The following RPS6KA4 variants were observed in gnomAD, a reference collection of about 807,000 sequenced individuals.
RPS6KA4 encodes the protein ribosomal protein S6 kinase alpha-4.
RPS6KA4 carries 38 observed loss-of-function variants against 89.6 expected under a neutral mutation model. The ratio of observed to expected loss-of-function variants is 0.42; its 90% CI spans 0.33 to 0.56. The LOEUF is 0.56. Ranked by LOEUF, RPS6KA4 falls within the 20% of genes least tolerant of loss-of-function variation. The pLI is 0.07. For synonymous variants in RPS6KA4, 495 were observed against 492.8 expected, an observed-to-expected ratio of 1.00 and a Z score of -0.06; for missense variants, 873 against 1,098.8, an observed-to-expected ratio of 0.79 and a Z score of 2.90.
intron 9 of RPS6KA4, among the ~76,000 whole-genome samples, chr11:64,365,937 G>A (rs1215984514): frequency 6.6e-6 from 1 of 152,052 alleles, no homozygotes; most frequent in Non-Finnish European, 1.5e-5. Context: ...TACTCGGGAG[G>A]CTGAGGTGAG....
chr11:64,359,498 A>G, intron 2 of RPS6KA4, 49 bp downstream of exon 2: 1 of 1,587,720 alleles, frequency 6.3e-7, no homozygotes, highest in Non-Finnish European at 8.6e-7. Flanking sequence ...GGTGCCCCTG[A>G]CCTCCTGCCT....
Position 64,369,485 on chromosome 11 carries a change from G to T in RPS6KA4, c.1468G>T (p.Glu490Ter). ...YLVLELLRGGELLEHIRKKRH... is the reference protein window; with the variant it reads ...YLVLELLRGG ...GGTCCTGGAGCTGCTGCGGGGCGGG[G>T]AGCTGCTGGAGCACATCCGCAAGAA... is the stretch of plus-strand genomic sequence containing the variant. Residue 490 changes from glutamate (E) to a stop codon, truncating the protein, a stop_gained, in exon 13 of 17, where the codon GAG (glutamate) becomes TAG (stop). Coordinates refer to ENST00000334205, the MANE Select transcript of RPS6KA4 (RefSeq NM_003942.3). LOFTEE classifies it high-confidence loss of function. 6.2e-7 allele frequency: 1 copy of T among 1,609,780 alleles called. No homozygotes were observed. The highest frequency in any genetic ancestry group is 1.1e-5 in the South Asian group (1 of 90,772).
chr11:64,369,780 C>T lies in RPS6KA4; in HGVS notation c.1684C>T (p.Pro562Ser), dbSNP rs1398636953. The change falls in exon 14 of 17, where the codon CCC (proline) becomes TCC (serine). Residue 562 changes from proline (P) to serine (S), a missense_variant. Physicochemically the swap from Pro to Ser is moderately conservative, Grantham distance 74. This residue lies in a region of RPS6KA4 where 542 missense variants were observed against 736.4 expected (regional missense o/e 0.74). Transcript: ENST00000334205. ...FGFARLRPQS[P>S]GVPMQTPCFT... ...GTTCGCGCGGTTGCGGCCGCAGAGT[C>T]CCGGGGTGCCCATGCAGACGCCCTG... The T allele has an allele frequency of 1.2e-6, 2 of 1,610,832 alleles. No homozygotes were observed. The highest frequency in any genetic ancestry group is 1.6e-4 in the Middle Eastern group (1 of 6,074).
chr11:64,359,201 G>A lies in RPS6KA4; in HGVS notation c.-35G>A, dbSNP rs1358367878. The stretch of plus-strand genomic sequence containing the variant: ...CGCCATGTAACCGGCGCCGCCCGGA[G>A]CCCGAGCCGCGCGGGCCCCAGCGAC... On this transcript the variant is annotated 5_prime_UTR_variant, in exon 1 of 17. Coordinates refer to ENST00000334205, the MANE Select transcript of RPS6KA4 (RefSeq NM_003942.3). 1 of 1,286,084 alleles carries A rather than the reference G, an allele frequency of 7.8e-7. No individual in the cohort carries two copies. Among genetic ancestry groups the A allele is most frequent in the Non-Finnish European group, 9.9e-7 (1 of 1,009,094 alleles). The allele number at this position is 1,286,084 out of a possible 1,614,324, so 79.7% of individuals were successfully genotyped here. A position where few individuals can be genotyped will look rare whatever the true frequency, so the allele number is the denominator to read the frequency against.
chr11:64,370,132 C>T lies in RPS6KA4; in HGVS notation c.1798-93C>T, dbSNP rs770670510. 26 of 1,413,192 alleles carry T rather than the reference C, an allele frequency of 1.8e-5. No individual in the cohort carries two copies. Among genetic ancestry groups the T allele is most frequent in the Non-Finnish European group, 2.5e-5 (26 of 1,056,636 alleles). The allele number at this position is 1,413,192 out of a possible 1,614,324, so 87.5% of individuals were successfully genotyped here. A position where few individuals can be genotyped will look rare whatever the true frequency, so the allele number is the denominator to read the frequency against. On this transcript the variant is annotated intron_variant, in intron 14 of 16. Coordinates refer to ENST00000334205, the MANE Select transcript of RPS6KA4 (RefSeq NM_003942.3). The surrounding 1 kb of genome is among the most constrained non-coding windows in gnomAD (Gnocchi z 4.1). ...ACCACGCGTGGGTCTCAGGAGTGCC[C>T]CTAGTGGGGAGGGTGAGTGGTTCTG...
Position 64,368,154 on chromosome 11 carries a change from C to T in RPS6KA4, c.1094C>T (p.Ser365Phe), listed in dbSNP as rs1187689165. The part of the protein sequence containing the change: ...IFQGYSFVAP[S>F]ILFDHNNAVM... ...CAGGGATACTCCTTTGTGGCACCCT[C>T]CATTCTCTTTGACCACAACAACGCG... Residue 365 changes from serine (S) to phenylalanine (F), a missense_variant, in exon 10 of 17, where the codon TCC becomes TTC. Ser to Phe is a radical substitution (Grantham distance 155). Around this residue, in one of 4 missense-constraint regions of RPS6KA4, gnomAD observed 542 missense variants for 736.4 expected, o/e 0.74. Transcript: ENST00000334205. The T allele has an allele frequency of 6.2e-7, 1 of 1,613,602 alleles. No homozygotes were observed. Among genetic ancestry groups the T allele is most frequent in the Admixed American group, 1.7e-5 (1 of 60,012 alleles).
chr11:64,360,203 C>T lies in RPS6KA4; in HGVS notation c.168C>T (p.His56=). ...TCCTGGTGCGGAAGGCGGGCGGGCACGACGCGGGGAAGCTGTACGCCATGA... is the reference window on the plus strand; with the variant it reads ...TCCTGGTGCGGAAGGCGGGCGGGCATGACGCGGGGAAGCTGTACGCCATGA... ...KVFLVRKAGG[H]DAGKLYAMKV... The change falls in exon 3 of 17, where the codon CAC becomes CAT. Residue 56 remains histidine (H), a synonymous_variant. Coordinates refer to ENST00000334205, the MANE Select transcript of RPS6KA4 (RefSeq NM_003942.3). 1.3e-6 allele frequency: 2 copies of T among 1,548,120 alleles called. No individual in the cohort carries two copies. The highest frequency in any genetic ancestry group is 1.7e-6 in the Non-Finnish European group (2 of 1,146,798).
chr11:64,359,729 G>A, intron 2 of RPS6KA4: 1 of 555,146 alleles, frequency 1.8e-6, no homozygotes, highest in Non-Finnish European at 3.2e-6. Context: ...CAAGTGATTT[G>A]CATAGCTCCT....
Position 64,371,449 on chromosome 11 carries a change from G to GCCGAGCCCACGGCCCCCGGCCCCCCC in RPS6KA4, c.2295_2296insCACGGCCCCCGGCCCCCCCCCGAGCC (p.Asn766HisfsTer27). 1 of 1,524,820 alleles carries GCCGAGCCCACGGCCCCCGGCCCCCCC rather than the reference G, an allele frequency of 6.6e-7. No individual in the cohort carries two copies. The highest frequency in any genetic ancestry group is 8.8e-7 in the Non-Finnish European group (1 of 1,131,958). 94.5% of individuals were successfully genotyped at this position (1,524,820 alleles called of 1,614,324 possible). ...CCCGTCGCCTCCAAAGGGGCCCCCC[G>GCCGAGCCCACGGCCCCCGGCCCCCCC]CCGAGCCAACGGCCCCCTGCCCCCC... is the stretch of plus-strand genomic sequence containing the variant. On this transcript the variant is annotated frameshift_variant, in exon 17 of 17. Transcript: ENST00000334205. LOFTEE classifies it high-confidence loss of function.
chr11:64,368,442 G>T (rs1449705429), intron 10 of RPS6KA4, 26 bp from the exon 11 acceptor site: 1 of 1,544,934 alleles, frequency 6.5e-7, no homozygotes, highest in Non-Finnish European at 8.7e-7. Flanking sequence ...CGCCGCCTTC[G>T]CCTTCGCCTT....
chr11:64,359,181 T>C lies in RPS6KA4; in HGVS notation c.-55T>C. The C allele has an allele frequency of 1.6e-6, 2 of 1,237,016 alleles. No individual in the cohort carries two copies. Among genetic ancestry groups the C allele is most frequent in the Non-Finnish European group, 2.0e-6 (2 of 981,762 alleles). The allele number at this position is 1,237,016 out of a possible 1,614,324, so 76.6% of individuals were successfully genotyped here. On this transcript the variant is annotated 5_prime_UTR_variant, in exon 1 of 17. The change abolishes an upstream ATG in the 5' untranslated region. Coordinates refer to ENST00000334205, the MANE Select transcript of RPS6KA4 (RefSeq NM_003942.3). ...GCGCCCGCCCCGGCCGGAGCCGCCA[T>C]GTAACCGGCGCCGCCCGGAGCCCGA...
chr11:64,369,147 C>T (rs1037157276), intron 12 of RPS6KA4, among the ~76,000 whole-genome samples: 3 of 152,172 alleles, frequency 2.0e-5, no homozygotes, highest in African/African-American at 7.2e-5. Flanking sequence ...AAAAATTAGC[C>T]GGACGCGGTG....
rs770360254 is a variant in RPS6KA4 at position 64,359,268 on chromosome 11, C to T, written c.33C>T (p.Ala11=). 6.5e-7 allele frequency: 1 copy of T among 1,547,452 alleles called. No homozygotes were observed. Among genetic ancestry groups the T allele is most frequent in the Non-Finnish European group, 8.7e-7 (1 of 1,143,672 alleles). MGDEDDDESC[A]VELRITEANL... is the part of the protein sequence containing the mutation. ...ACGAGGACGACGATGAGAGCTGCGC[C>T]GTGGAGCTGCGGATCACAGAAGGTG... is the stretch of plus-strand genomic sequence containing the variant. Residue 11 remains alanine (A), a synonymous_variant, in exon 1 of 17, where the codon GCC becomes GCT. Coordinates refer to ENST00000334205, the MANE Select transcript of RPS6KA4 (RefSeq NM_003942.3).
chr11:64,368,884 T>C (rs998177677), intron 12 of RPS6KA4, 87 bp downstream of exon 12: 1 of 1,250,828 alleles, frequency 8.0e-7, no homozygotes, highest in Non-Finnish European at 1.1e-6. Flanking sequence ...TAGGGGTGAA[T>C]TGGGCGGGGC....
chr11:64,370,662 G>T lies in RPS6KA4; in HGVS notation c.2057G>T (p.Arg686Leu). 6.4e-7 allele frequency: 1 copy of T among 1,571,712 alleles called. No homozygotes were observed. Among genetic ancestry groups the T allele is most frequent in the Non-Finnish European group, 8.6e-7 (1 of 1,165,444 alleles). Residue 686 changes from arginine (R) to leucine (L), a missense_variant, in exon 16 of 17, where the codon CGG becomes CTG. Transcript: ENST00000334205. The surrounding 1 kb of genome is among the most constrained non-coding windows in gnomAD (Gnocchi z 4.1). Reference protein sequence around the residue: ...DGSARSSPPLRTPDVLESSGP... With the variant: ...DGSARSSPPLLTPDVLESSGP... ...AGCGCGCGCTCCTCGCCCCCGCTCC[G>T]GACGCCCGACGTGCTCGAGTCCTCT...
chr11:64,361,388 G>A lies in RPS6KA4; in HGVS notation c.571-81G>A, dbSNP rs2036743961. On this transcript the variant is annotated intron_variant, in intron 5 of 16. Transcript: ENST00000334205. The surrounding 1 kb of genome is among the most constrained non-coding windows in gnomAD (Gnocchi z 4.7). ...TCAGCTCTCCAACCTCACAAGTTGA[G>A]CGAGTCTTACTCTGGGCCTTGTGGG... 1.3e-6 allele frequency: 2 copies of A among 1,538,440 alleles called. No individual in the cohort carries two copies. The highest frequency in any genetic ancestry group is 1.8e-6 in the Non-Finnish European group (2 of 1,117,174).
chr11:64,366,823 T>C (rs980360365), intron 9 of RPS6KA4, among the ~76,000 whole-genome samples: 4 of 152,222 alleles, frequency 2.6e-5, no homozygotes, highest in African/African-American at 7.2e-5. Flanking sequence ...CAGTTTATCA[T>C]GTTGCCATAA....
rs889008728 is a variant in RPS6KA4 at position 64,371,419 on chromosome 11, G to A, written c.2258G>A (p.Arg753Gln). Reference sequence around the variant, plus strand: ...TCCCCTGCACCAGCCAACCCGGGCCGAGCCCCCGTCGCCTCCAAAGGGGCC... The same window carrying A: ...TCCCCTGCACCAGCCAACCCGGGCCAAGCCCCCGTCGCCTCCAAAGGGGCC... ...RGSPAPANPGRAPVASKGAPR... is the reference protein window; with the variant it reads ...RGSPAPANPGQAPVASKGAPR... The change falls in exon 17 of 17, where the codon CGA becomes CAA. Residue 753 changes from arginine (R) to glutamine (Q), a missense_variant. Physicochemically the swap from Arg to Gln is conservative, Grantham distance 43. Around this residue, in one of 4 missense-constraint regions of RPS6KA4, gnomAD observed 278 missense variants for 284.8 expected, o/e 0.98. Transcript: ENST00000334205. The A allele has an allele frequency of 1.7e-5, 28 of 1,607,418 alleles. No individual in the cohort carries two copies. The highest frequency in any genetic ancestry group is 2.2e-5 in the South Asian group (2 of 90,794).
At chr11:64,367,146 T>C (rs2036904456) in intron 9 of RPS6KA4, among the ~76,000 whole-genome samples, 1 of 152,198 alleles carries the variant, frequency 6.6e-6, no homozygotes, top group Non-Finnish European at 1.5e-5. Flanking sequence ...TTTTTAAAAT[T>C]AATTAATTAA....
Sources: gnomAD v4.1 joint callset for allele counts (sites outside exome capture counted in the v4.1 genomes callset) on GRCh38, gnomAD v4.1.1 for gene constraint, gnomAD v4.1.1 regional missense constraint, Gnocchi (gnomAD v3.1) non-coding constraint, MANE v1.5 for transcripts, NCBI Gene and HGNC (gene_info 2026-07-23, HGNC 2026-07-21) for gene names.